C2CD2: variants seen among roughly 807,000 people sequenced by gnomAD.
C2CD2 encodes the protein C2 domain-containing protein 2.
Under a neutral mutation model 74.3 loss-of-function variants are expected in C2CD2, and 43 were observed. The ratio of observed to expected loss-of-function variants is 0.58; its 90% CI spans 0.45 to 0.75. The LOEUF (loss-of-function observed/expected upper bound fraction) is 0.75, where lower values mean the gene tolerates loss of function less well. Among genes scored for constraint, C2CD2 ranks in the 30% least tolerant of loss-of-function variants. The pLI, the probability that C2CD2 is intolerant of heterozygous loss-of-function variation, is 0.00. For synonymous variants in C2CD2, 422 were observed against 390.7 expected (o/e 1.08, Z -0.94); for missense variants, 801 against 916.3 (o/e 0.87, Z 1.63).
chr21:41,948,164 C>G (rs914679353), intron 1 of C2CD2, among the ~76,000 whole-genome samples: 1 of 152,236 alleles, frequency 6.6e-6, no homozygotes, highest in South Asian at 2.1e-4. Flanking sequence ...TTTGCCCAGG[C>G]CTGGCTGGCT....
intron 3 of C2CD2, among the ~76,000 whole-genome samples, chr21:41,920,407 C>T (rs1021485107): frequency 4.6e-5 from 7 of 152,226 alleles, no homozygotes; most frequent in African/African-American, 9.6e-5. Flanking sequence ...AAGGGAAGAA[C>T]GACTTCAGAC....
intron 9 of C2CD2, 58 bp downstream of exon 9, chr21:41,907,602 G>A (rs13433498): frequency 0.097 from 152,825 of 1,569,312 alleles, 8,867 homozygotes; most frequent in African/African-American, 0.26. Flanking sequence ...AAGTGAAGAC[G>A]CTCCTTGGGT....
chr21:41,935,571 G>T (rs1313738056), intron 2 of C2CD2, among the ~76,000 whole-genome samples: 1 of 152,124 alleles, frequency 6.6e-6, no homozygotes, highest in African/African-American at 2.4e-5. Flanking sequence ...AGCCAGAAAA[G>T]TTCTGACACT....
chr21:41,948,869 T>TG (rs1007963114), intron 1 of C2CD2, among the ~76,000 whole-genome samples: 1 of 111,466 alleles, frequency 9.0e-6, no homozygotes, highest in African/African-American at 3.6e-5. Context: ...CCACACAGCA[T>TG]CTTTTTTTTT....
At chr21:41,950,126 T>TA (rs1339729973) in intron 1 of C2CD2, among the ~76,000 whole-genome samples, 2 of 151,284 alleles carry the variant, frequency 1.3e-5, no homozygotes, top group Admixed American at 1.3e-4. Context: ...CCCTAGAACT[T>TA]AAAGTATCAT....
intron 2 of C2CD2, among the ~76,000 whole-genome samples, chr21:41,940,606 G>A (rs1489599029): frequency 2.0e-5 from 3 of 152,210 alleles, no homozygotes; most frequent in Non-Finnish European, 4.4e-5. Flanking sequence ...TGAAAATGAA[G>A]GAAGAGCAGC....
intron 1 of C2CD2, among the ~76,000 whole-genome samples, chr21:41,943,474 A>C (rs1169093416): frequency 6.6e-6 from 1 of 152,078 alleles, no homozygotes; most frequent in East Asian, 1.9e-4. Context: ...CCCAGATCGA[A>C]ACTCTCCTAG....
In C2CD2 at chr21:41,926,701, T is replaced by C. The variant is rs2065217250; in HGVS notation, c.379-4616A>G. 2.4e-6 allele frequency: 2 copies of C among 836,582 alleles called. No individual in the cohort carries two copies. The highest frequency in any genetic ancestry group is 2.9e-6 in the Non-Finnish European group (2 of 693,916). 51.8% of individuals were successfully genotyped at this position (836,582 alleles called of 1,614,324 possible). On this transcript the variant is annotated intron_variant, in intron 2 of 13. Coordinates refer to ENST00000380486, the MANE Select transcript of C2CD2 (RefSeq NM_015500.2). This position sits in a 1 kb window ranked among gnomAD's most constrained non-coding sequence, Gnocchi z 8.0. ...GAGCCCCTGAGTCTTCAGATCTCAC[T>C]GTGCCCTTTCACTTTCCTTTTCAAT... is the stretch of plus-strand genomic sequence containing the variant.
rs1305939030 is a variant in C2CD2, at chr21:41,899,225, G to A, written c.1698C>T (p.Ala566=). 2 of 1,612,462 alleles carry A rather than the reference G, an allele frequency of 1.2e-6. No individual in the cohort carries two copies. Among genetic ancestry groups the A allele is most frequent in the Admixed American group, 3.3e-5 (2 of 59,858 alleles). ...ASAPPEEAES[A]QASLAPKPQE... is the part of the protein sequence containing the mutation. Reference sequence around the variant, plus strand: ...GGGGCTTGGGGGCAAGGGATGCCTGGGCTGACTCGGCTTCCTCTGGCGGGG... The same window carrying A: ...GGGGCTTGGGGGCAAGGGATGCCTGAGCTGACTCGGCTTCCTCTGGCGGGG... The change falls in exon 13 of 14, where the codon GCC becomes GCT. Residue 566 remains alanine (A), a synonymous_variant. Transcript: ENST00000380486. The surrounding 1 kb of genome is among the most constrained non-coding windows in gnomAD (Gnocchi z 4.4).
rs76058964 is a variant in C2CD2, at chr21:41,907,886, G to A, written c.1019-102C>T. ...CCAGCAGCCGGAACACGCTCCTCCC[G>A]TGCATCCAGCCCACGGGGAAGTGCT... On this transcript the variant is annotated intron_variant, in intron 8 of 13. Coordinates refer to ENST00000380486, the MANE Select transcript of C2CD2 (RefSeq NM_015500.2). 5.0e-3 allele frequency: 6,136 copies of A among 1,229,728 alleles called. 227 individuals carry two copies. In the African/African-American group the frequency reaches 0.078, roughly 16 times the overall value. The allele number at this position is 1,229,728 out of a possible 1,614,324, so 76.2% of individuals were successfully genotyped here.
Position 41,892,828 on chromosome 21 carries a change from T to C in C2CD2, c.1871-3484A>G, listed in dbSNP as rs2064771243. 6.6e-6 allele frequency among the ~76,000 whole-genome samples: 1 copy of C among 152,254 alleles called. No homozygotes were observed. Among genetic ancestry groups the C allele is most frequent in the Non-Finnish European group, 1.5e-5 (1 of 68,052 alleles). ...CAGGCACCATACCTGCTCTCCTGCA[T>C]GTCGCTGCTCATGCTCCTTCGCACT... On this transcript the variant is annotated intron_variant, in intron 13 of 13. Coordinates refer to ENST00000380486, the MANE Select transcript of C2CD2 (RefSeq NM_015500.2). This position sits in a 1 kb window ranked among gnomAD's most constrained non-coding sequence, Gnocchi z 4.6.
Position 41,895,782 on chromosome 21 carries a change from G to A in C2CD2, c.1870+3271C>T, listed in dbSNP as rs546031277. Among the ~76,000 whole-genome samples, 1 of 152,100 alleles carries A rather than the reference G, an allele frequency of 6.6e-6. No homozygotes were observed. Among genetic ancestry groups the A allele is most frequent in the African/African-American group, 2.4e-5 (1 of 41,454 alleles). On this transcript the variant is annotated intron_variant, in intron 13 of 13. Transcript: ENST00000380486. This position sits in a 1 kb window ranked among gnomAD's most constrained non-coding sequence, Gnocchi z 5.0. ...CTACAGAGTCTAACAGACATAAATA[G>A]CGAATTGAAGGTTCTGTCTTAAAAC... is the stretch of plus-strand genomic sequence containing the variant.
At position 41,899,313 on chromosome 21, in the gene C2CD2, G is replaced by T; in HGVS notation, c.1610C>A (p.Ala537Asp). 1.2e-6 allele frequency: 2 copies of T among 1,610,268 alleles called. No individual in the cohort carries two copies. Among genetic ancestry groups the T allele is most frequent in the South Asian group, 1.1e-5 (1 of 91,052 alleles). Reference protein sequence around the residue: ...HDAALMQGYTASVDSTHQEDA... With the variant: ...HDAALMQGYTDSVDSTHQEDA... ...CTCCTGGTGGGTGCTGTCCACAGAG[G>T]CCGTGTAGCCCTGCATCAGGGCAGC... Residue 537 changes from alanine (A) to aspartate (D), a missense_variant, in exon 13 of 14, where the codon GCC becomes GAC. Transcript: ENST00000380486. This position sits in a 1 kb window ranked among gnomAD's most constrained non-coding sequence, Gnocchi z 4.4.
At chr21:41,897,549 G>T (rs757232431) in intron 13 of C2CD2, among the ~76,000 whole-genome samples, 5 of 152,206 alleles carry the variant, frequency 3.3e-5, no homozygotes, top group Non-Finnish European at 5.9e-5. Context: ...AGTGCTCTGT[G>T]GAGGGGGGTC....
chr21:41,935,084 G>A (rs572531610), intron 2 of C2CD2, among the ~76,000 whole-genome samples: 12 of 152,226 alleles, frequency 7.9e-5, no homozygotes, highest in African/African-American at 2.6e-4. Flanking sequence ...TAGAGACGGG[G>A]TTTCACCATG....
At chr21:41,920,565 A>C (rs1282808851) in intron 3 of C2CD2, among the ~76,000 whole-genome samples, 2 of 152,218 alleles carry the variant, frequency 1.3e-5, no homozygotes, top group Non-Finnish European at 2.9e-5. Context: ...AGTGCACTTT[A>C]ATTGTTTTGA....
intron 13 of C2CD2, among the ~76,000 whole-genome samples, chr21:41,896,480 C>T (rs1337594742): frequency 6.6e-6 from 1 of 151,972 alleles, no homozygotes; most frequent in African/African-American, 2.4e-5. Context: ...CATAATATAC[C>T]CTCTTAACCA....
chr21:41,927,614 G>A (rs1179036141), intron 2 of C2CD2, among the ~76,000 whole-genome samples: 1 of 151,876 alleles, frequency 6.6e-6, no homozygotes, highest in African/African-American at 2.4e-5. Context: ...GGGACTACAG[G>A]CACGTGCCAC....
At chr21:41,897,457 C>T (rs1013360978) in intron 13 of C2CD2, among the ~76,000 whole-genome samples, 4 of 152,132 alleles carry the variant, frequency 2.6e-5, no homozygotes, top group Admixed American at 2.6e-4. Context: ...ACCAGGTCAC[C>T]TTTGACATAA....
Sources: gnomAD v4.1 joint callset for allele counts (sites outside exome capture counted in the v4.1 genomes callset) on GRCh38, gnomAD v4.1.1 for gene constraint, Gnocchi (gnomAD v3.1) non-coding constraint, MANE v1.5 for transcripts, NCBI Gene and HGNC (gene_info 2026-07-23, HGNC 2026-07-21) for gene names.